The following TIGAR variants were observed in gnomAD, a reference collection of about 807,000 sequenced individuals.
The protein encoded by TIGAR is TP53 induced glycolysis regulatory phosphatase.
Under a neutral mutation model 17.9 loss-of-function variants are expected in TIGAR, and 7 were observed. The observed-to-expected ratio is 0.39, with a 90% CI of 0.22 to 0.73. The LOEUF is 0.73. Ranked by LOEUF, TIGAR falls within the 30% of genes least tolerant of loss-of-function variation. TIGAR has a pLI of 0.42. For synonymous variants in TIGAR, 94 were observed against 108.6 expected (o/e 0.87, Z 0.84); for missense variants, 258 against 327.4 (o/e 0.79, Z 1.64).
At chr12:4,327,216 C>T (rs1263843303) in intron 1 of TIGAR, among the ~76,000 whole-genome samples, 1 of 152,070 alleles carries the variant, frequency 6.6e-6, no homozygotes, top group East Asian at 1.9e-4. Context: ...AGAGACCAGC[C>T]TGGCCAACAT....
chr12:4,324,779 G>A (rs1014583028), intron 1 of TIGAR: 6 of 657,716 alleles, frequency 9.1e-6, no homozygotes, highest in African/African-American at 8.9e-5. Flanking sequence ...TGAGTTTGCG[G>A]AAGGTCCGCT....
intron 3 of TIGAR, among the ~76,000 whole-genome samples, chr12:4,339,683 G>A (rs966239420): frequency 6.6e-6 from 1 of 152,148 alleles, no homozygotes; most frequent in Admixed American, 6.5e-5. Context: ...AATACCATTA[G>A]AAAGATCATT....
intron 3 of TIGAR, among the ~76,000 whole-genome samples, chr12:4,346,754 TAAAA>T (rs1187188820): frequency 6.6e-6 from 1 of 151,104 alleles, no homozygotes; most frequent in South Asian, 2.1e-4. Flanking sequence ...TAAAGTATAA[TAAAA>T]AATATATATT....
At position 4,352,581 on chromosome 12, in the gene TIGAR, A is replaced by T. The variant is rs1864849490; in HGVS notation, c.703A>T (p.Met235Leu). The change falls in exon 6 of 6, where the codon ATG becomes TTG. Residue 235 changes from methionine (M) to leucine (L), a missense_variant. Met to Leu is a conservative substitution (Grantham distance 15, BLOSUM62 2). Transcript: ENST00000179259. The part of the protein sequence containing the change: ...ELMSVTPNTG[M>L]SLFIINFEEG... ...TATGTCAGTCACTCCCAATACAGGG[A>T]TGAGTCTCTTTATCATAAACTTTGA... is the stretch of plus-strand genomic sequence containing the variant. 1 of 1,613,520 alleles carries T rather than the reference A, an allele frequency of 6.2e-7. No individual in the cohort carries two copies. Among genetic ancestry groups the T allele is most frequent in the African/African-American group, 1.3e-5 (1 of 74,932 alleles).
intron 3 of TIGAR, 67 bp from the exon 4 acceptor site, chr12:4,349,752 C>G: frequency 7.7e-7 from 1 of 1,301,282 alleles, no homozygotes; most frequent in Non-Finnish European, 1.1e-6. Context: ...GACATAGATT[C>G]TTTCAGTGCT....
chr12:4,350,156 TA>T (rs1864822829), intron 4 of TIGAR, among the ~76,000 whole-genome samples: 4 of 152,138 alleles, frequency 2.6e-5, no homozygotes, highest in Non-Finnish European at 2.9e-5. Context: ...GAGTTTAAAG[TA>T]AAGGTGAAAA....
chr12:4,325,755 AAAAAG>A (rs1321513960), intron 1 of TIGAR, among the ~76,000 whole-genome samples: 31 of 151,990 alleles, frequency 2.0e-4, no homozygotes, highest in African/African-American at 5.1e-4. Context: ...AAAAAAAAAA[AAAAAG>A]AAAGACCACC....
In TIGAR at chr12:4,358,305, A is replaced by G. The variant is rs952163072; in HGVS notation, c.*5614A>G. Among the ~76,000 whole-genome samples the G allele has an allele frequency of 2.0e-4, 30 of 152,098 alleles. No homozygotes were observed. The highest frequency in any genetic ancestry group is 7.0e-4 in the African/African-American group (29 of 41,504). On this transcript the variant is annotated 3_prime_UTR_variant, in exon 6 of 6. Transcript: ENST00000179259. Reference sequence around the variant, plus strand: ...GCGTCTCCAAAAAAAAAAAAAAAGAAAAAGAAAAATCACTGAGCTACTGTA... The same window carrying G: ...GCGTCTCCAAAAAAAAAAAAAAAGAGAAAGAAAAATCACTGAGCTACTGTA...
intron 1 of TIGAR, among the ~76,000 whole-genome samples, chr12:4,328,124 C>T (rs1260904485): frequency 6.6e-6 from 1 of 152,222 alleles, no homozygotes; most frequent in Non-Finnish European, 1.5e-5. Flanking sequence ...CTTTATCCAT[C>T]TGAATGGTAG....
chr12:4,325,546 G>T (rs1340984658), intron 1 of TIGAR, among the ~76,000 whole-genome samples: 1 of 151,886 alleles, frequency 6.6e-6, no homozygotes, highest in East Asian at 1.9e-4. Context: ...TTCAAGACCA[G>T]CCTGGTCAAC....
rs1224431454 is a variant in TIGAR at position 4,358,545 on chromosome 12, T to G, written c.*5854T>G. ...TTCCCCTGAAACATTGGAGAGTAACTTTGAGTCCTCATACTCTTCCCCTAT... is the reference window on the plus strand; with the variant it reads ...TTCCCCTGAAACATTGGAGAGTAACGTTGAGTCCTCATACTCTTCCCCTAT... On this transcript the variant is annotated 3_prime_UTR_variant, in exon 6 of 6. Transcript: ENST00000179259. 6.6e-6 allele frequency among the ~76,000 whole-genome samples: 1 copy of G among 151,914 alleles called. No homozygotes were observed. Among genetic ancestry groups the G allele is most frequent in the Non-Finnish European group, 1.5e-5 (1 of 68,032 alleles).
intron 1 of TIGAR, chr12:4,324,338 T>TTTTTTG (rs1396397634): frequency 1.3e-6 from 1 of 756,144 alleles, no homozygotes; most frequent in African/African-American, 1.8e-5. Flanking sequence ...TTTTTTTTTT[T>TTTTTTG]TTGGAAATAT....
intron 3 of TIGAR, among the ~76,000 whole-genome samples, chr12:4,347,010 A>G (rs1003911979): frequency 1.3e-5 from 2 of 152,212 alleles, no homozygotes; most frequent in African/African-American, 4.8e-5. Flanking sequence ...TCAAAAAACT[A>G]AAAATAGAGC....
At chr12:4,328,258 C>T (rs1487228788) in intron 1 of TIGAR, among the ~76,000 whole-genome samples, 3 of 152,078 alleles carry the variant, frequency 2.0e-5, no homozygotes, top group Non-Finnish European at 4.4e-5. Context: ...ATGGCATGAT[C>T]TTGGCTCACT....
At chr12:4,352,236 T>C in intron 5 of TIGAR, 24 bp from the exon 6 acceptor site, 1 of 1,584,018 alleles carries the variant, frequency 6.3e-7, no homozygotes. Flanking sequence ...CACTTTATTT[T>C]GACTTTTATT....
chr12:4,322,004 T>A (rs12301353), intron 1 of TIGAR, among the ~76,000 whole-genome samples: 4,146 of 48,936 alleles, frequency 0.085, 177 homozygotes, highest in African/African-American at 0.21. Flanking sequence ...TTTTATTTTT[T>A]TTTTTTTGTG....
chr12:4,321,363 G>C lies in TIGAR; in HGVS notation c.32+60G>C. 1.3e-6 allele frequency: 2 copies of C among 1,594,940 alleles called. No individual in the cohort carries two copies. The stretch of plus-strand genomic sequence containing the variant: ...CTCTTCCTTGAGTGTGTTGGAGCGG[G>C]TGAAGGGAAAACGGGTCCACCACCC... On this transcript the variant is annotated intron_variant, in intron 1 of 5. Transcript: ENST00000179259. This position sits in a 1 kb window ranked among gnomAD's most constrained non-coding sequence, Gnocchi z 5.2.
chr12:4,331,039 G>A (rs1864598414), intron 1 of TIGAR, among the ~76,000 whole-genome samples: 1 of 150,730 alleles, frequency 6.6e-6, no homozygotes, highest in Non-Finnish European at 1.5e-5. Flanking sequence ...ATTCACTTAA[G>A]ATTGGTTCCT....
intron 3 of TIGAR, among the ~76,000 whole-genome samples, chr12:4,338,484 C>G (rs1363793549): frequency 1.3e-5 from 2 of 152,052 alleles, no homozygotes; most frequent in Non-Finnish European, 2.9e-5. Flanking sequence ...TTTTACATAA[C>G]TTAAATTTGT....
Sources: allele counts gnomAD v4.1 joint callset (sites outside exome capture counted in the v4.1 genomes callset), GRCh38; gene constraint gnomAD v4.1.1; non-coding constraint Gnocchi (gnomAD v3.1); transcripts MANE v1.5; gene names NCBI Gene and HGNC (gene_info 2026-07-23, HGNC 2026-07-21).